Variants in MYO5C observed in about 807,000 individuals in gnomAD.
MYO5C encodes myosin VC, also known as unconventional myosin-Vc.
A neutral mutation model predicts 235.7 loss-of-function variants in MYO5C; 194 were observed. The ratio of observed to expected loss-of-function variants is 0.82; its 90% CI spans 0.73 to 0.93. MYO5C has a LOEUF of 0.93. Among genes scored for constraint, MYO5C ranks in the 40% least tolerant of loss-of-function variants. MYO5C has a pLI of 0.00. For missense variants in MYO5C, 2,038 were observed against 2,127.2 expected (o/e 0.96, Z 0.82); for synonymous variants, 707 against 754.8 (o/e 0.94, Z 1.04).
chr15:52,287,191 C>T (rs938311997), intron 1 of MYO5C, among the ~76,000 whole-genome samples: 3 of 151,556 alleles, frequency 2.0e-5, no homozygotes, highest in Non-Finnish European at 4.4e-5. Flanking sequence ...CTTGCCGAAA[C>T]GTGACATGGA....
chr15:52,261,791 T>C (rs1182867849), intron 9 of MYO5C, among the ~76,000 whole-genome samples: 1 of 152,238 alleles, frequency 6.6e-6, no homozygotes, highest in African/African-American at 2.4e-5. Context: ...TCAGCCAGTG[T>C]GGACAAAGGG....
intron 1 of MYO5C, among the ~76,000 whole-genome samples, chr15:52,289,976 T>C (rs1385323024): frequency 2.0e-5 from 3 of 152,032 alleles, no homozygotes; most frequent in African/African-American, 4.8e-5. Flanking sequence ...CCTCTCCCCA[T>C]CCAAGAGCAA....
rs190273750 is a variant in MYO5C at position 52,216,447 on chromosome 15, A to G, written c.3955-1757T>C. Among the ~76,000 whole-genome samples the G allele has an allele frequency of 1.7e-3, 252 of 152,248 alleles. 2 individuals carry two copies. Among genetic ancestry groups the G allele is most frequent in the African/African-American group, 5.7e-3 (237 of 41,552 alleles). ...CCTGGCTGGTTGAACTCCTGGCCTC[A>G]AGTCATACTTCTGCCATGACATCTT... On this transcript the variant is annotated intron_variant, in intron 32 of 40. Coordinates refer to ENST00000261839, the MANE Select transcript of MYO5C (RefSeq NM_018728.4).
rs1431512828 is a variant in MYO5C at position 52,282,814 on chromosome 15, T to C, written c.106A>G (p.Lys36Glu). The C allele has an allele frequency of 6.2e-7, 1 of 1,613,670 alleles. No homozygotes were observed. Among genetic ancestry groups the C allele is most frequent in the Non-Finnish European group, 8.5e-7 (1 of 1,179,516 alleles). ...TCCTCCAGCAGGAGTCGCAGGACCT[T>C]GTCACCAACTCTGTAGTCCTTGGCT... ...EIAKDYRVGD[K>E]VLRLLLEDGT... Residue 36 changes from lysine (K) to glutamate (E), a missense_variant, in exon 2 of 41, where the codon AAG becomes GAG. Lys to Glu is a moderately conservative substitution (Grantham distance 56, BLOSUM62 1). Transcript: ENST00000261839.
intron 38 of MYO5C, among the ~76,000 whole-genome samples, chr15:52,201,766 A>G (rs929283861): frequency 6.6e-6 from 1 of 152,146 alleles, no homozygotes; most frequent in African/African-American, 2.4e-5. Flanking sequence ...TGCAACATAA[A>G]GTAGGGAGGC....
chr15:52,239,904 A>G, intron 20 of MYO5C, 25 bp from the exon 21 acceptor site: 1 of 1,590,706 alleles, frequency 6.3e-7, no homozygotes, highest in Non-Finnish European at 8.6e-7. Flanking sequence ...TTTGTGAAAC[A>G]TAAACTGGAT....
intron 1 of MYO5C, among the ~76,000 whole-genome samples, chr15:52,286,342 A>G (rs2037271530): frequency 6.9e-6 from 1 of 144,596 alleles, no homozygotes; most frequent in African/African-American, 2.6e-5. Context: ...CCGCCCGGCC[A>G]GCCGCCCCGT....
At chr15:52,196,162 TA>T in intron 39 of MYO5C, 146 bp downstream of exon 39, 1 of 610,306 alleles carries the variant, frequency 1.6e-6, no homozygotes, top group Non-Finnish European at 2.6e-6. Context: ...ATTTATTAGA[TA>T]AAAGGGTGGG....
At chr15:52,218,801 C>T (rs895493832) in intron 31 of MYO5C, 114 bp from the exon 32 acceptor site, 27 of 1,038,248 alleles carry the variant, frequency 2.6e-5, no homozygotes, top group Non-Finnish European at 3.7e-5. Flanking sequence ...TGGCCAATTT[C>T]TGTGTAAAGC....
At chr15:52,269,549 C>T (rs1427441049) in intron 8 of MYO5C, among the ~76,000 whole-genome samples, 4 of 151,830 alleles carry the variant, frequency 2.6e-5, no homozygotes, top group Non-Finnish European at 4.4e-5. Context: ...CCCGCCACCA[C>T]GCCTGGCTAA....
At chr15:52,228,045 A>G (rs959765823) in intron 25 of MYO5C, among the ~76,000 whole-genome samples, 5 of 152,244 alleles carry the variant, frequency 3.3e-5, no homozygotes, top group Admixed American at 1.3e-4. Context: ...TGATTGTCCA[A>G]GCATGGATCA....
At chr15:52,282,960 C>T in intron 1 of MYO5C, 68 bp from the exon 2 acceptor site, 1 of 1,009,446 alleles carries the variant, frequency 9.9e-7, no homozygotes, top group Non-Finnish European at 1.6e-6. Flanking sequence ...CATGGTTAGA[C>T]ACAGGAAGGT....
Position 52,278,920 on chromosome 15 carries a change from G to A in MYO5C, c.402C>T (p.Asp134=). 6.2e-7 allele frequency: 1 copy of A among 1,614,122 alleles called. No homozygotes were observed. Residue 134 remains aspartate, a synonymous_variant, in exon 4 of 41, where the codon GAC becomes GAT. Transcript: ENST00000261839. ...CTTCTGCCACGGCAAATATGTGTGGGTCCATATCGCCCATGTTCTGCCCGC... is the reference window on the plus strand; with the variant it reads ...CTTCTGCCACGGCAAATATGTGTGGATCCATATCGCCCATGTTCTGCCCGC... The part of the protein sequence containing the change: ...AYSGQNMGDM[D]PHIFAVAEEA...
chr15:52,285,780 G>A (rs906529692), intron 1 of MYO5C, among the ~76,000 whole-genome samples: 1 of 152,186 alleles, frequency 6.6e-6, no homozygotes, highest in African/African-American at 2.4e-5. Flanking sequence ...GCTCAATGGT[G>A]CCCAGGCTGG....
chr15:52,244,333 T>C, intron 19 of MYO5C, 23 bp downstream of exon 19: 2 of 1,606,474 alleles, frequency 1.2e-6, no homozygotes, highest in Non-Finnish European at 1.7e-6. Context: ...CAGTTCCACA[T>C]GTGTTCCTTG....
intron 1 of MYO5C, among the ~76,000 whole-genome samples, chr15:52,284,382 A>G (rs568167025): frequency 3.3e-5 from 5 of 152,292 alleles, no homozygotes; most frequent in Middle Eastern, 3.4e-3. Context: ...CAAGTTCTGG[A>G]ACAGCTAAAA....
Position 52,196,306 on chromosome 15 carries a change from C to A in MYO5C, c.4995+3G>T, listed in dbSNP as rs1192311774. On this transcript the variant is annotated splice_donor_region_variant and intron_variant, in intron 39 of 40. Transcript: ENST00000261839. ...CAGGGAGACACTAAGCAAGCCTGGT[C>A]ACCTGCACAGCAGACAGTGAGGTGC... 6.2e-7 allele frequency: 1 copy of A among 1,601,900 alleles called. No individual in the cohort carries two copies. The highest frequency in any genetic ancestry group is 1.1e-5 in the South Asian group (1 of 88,340).
chr15:52,233,643 A>G (rs1267886842), intron 23 of MYO5C, among the ~76,000 whole-genome samples: 1 of 152,236 alleles, frequency 6.6e-6, no homozygotes, highest in Non-Finnish European at 1.5e-5. Flanking sequence ...GAAGTACAAA[A>G]AAGGCAGCTG....
chr15:52,259,014 C>T (rs760543864), intron 10 of MYO5C, among the ~76,000 whole-genome samples: 6 of 152,192 alleles, frequency 3.9e-5, no homozygotes, highest in African/African-American at 4.8e-5. Flanking sequence ...CCTCTACTGC[C>T]GGCCTGCTGC....
Sources: allele counts gnomAD v4.1 joint callset (sites outside exome capture counted in the v4.1 genomes callset), GRCh38; gene constraint gnomAD v4.1.1; transcripts MANE v1.5; gene names NCBI Gene and HGNC (gene_info 2026-07-23, HGNC 2026-07-21).